The following ABRAXAS1 variants were observed in gnomAD, a reference collection of about 807,000 sequenced individuals.
The protein encoded by ABRAXAS1 is abraxas 1, BRCA1 A complex subunit.
Under a neutral mutation model 38.4 loss-of-function variants are expected in ABRAXAS1, and 26 were observed. The observed-to-expected ratio is 0.68, with a 90% CI of 0.50 to 0.94. ABRAXAS1 has a LOEUF of 0.94. ABRAXAS1 is among the 40% of genes least tolerant of loss of function. The pLI is 0.00. For synonymous variants in ABRAXAS1, 144 were observed against 165.5 expected (o/e 0.87, Z 1.00); for missense variants, 438 against 481.9 (o/e 0.91, Z 0.85).
At position 83,485,074 on chromosome 4, in the gene ABRAXAS1, C is replaced by G. The variant is rs1490677219; in HGVS notation, c.-2G>C. On this transcript the variant is annotated 5_prime_UTR_variant, in exon 1 of 9. Coordinates refer to ENST00000321945, the MANE Select transcript of ABRAXAS1 (RefSeq NM_139076.3). ...CGCCGACGTACTCTCCCCCTCCATG[C>G]TACCGCCGCCTCAGGCTACACAAGA... 1.3e-6 allele frequency: 2 copies of G among 1,586,218 alleles called. No individual in the cohort carries two copies. The highest frequency in any genetic ancestry group is 2.4e-5 in the East Asian group (1 of 42,012).
At chr4:83,481,028 A>G (rs1388722459) in intron 2 of ABRAXAS1, among the ~76,000 whole-genome samples, 1 of 152,062 alleles carries the variant, frequency 6.6e-6, no homozygotes, top group African/African-American at 2.4e-5. Context: ...GCTACTTGGG[A>G]GGCTGAAGCA....
At chr4:83,463,256 CCTGT>C (rs1424900347) in intron 8 of ABRAXAS1, among the ~76,000 whole-genome samples, 2 of 151,928 alleles carry the variant, frequency 1.3e-5, no homozygotes, top group South Asian at 4.2e-4. Flanking sequence ...ATGGTGAAAC[CCTGT>C]CTCTATTAAA....
chr4:83,477,653 T>A lies in ABRAXAS1; in HGVS notation c.179-974A>T. The A allele has an allele frequency of 4.7e-5, 25 of 532,566 alleles. 1 individual carries two copies. The highest frequency in any genetic ancestry group is 3.9e-4 in the South Asian group (25 of 64,366). 33.0% of individuals were successfully genotyped at this position (532,566 alleles called of 1,614,324 possible). ...GACCTTGCCAAAACACGACTTCAGG[T>A]AGGTTCAAGGCCAAAGCATTGATGT... is the stretch of plus-strand genomic sequence containing the variant. On this transcript the variant is annotated intron_variant, in intron 2 of 8. Transcript: ENST00000321945.
At chr4:83,484,784 G>A (rs1723121587) in intron 1 of ABRAXAS1, 1 of 448,550 alleles carries the variant, frequency 2.2e-6, no homozygotes, top group Admixed American at 4.3e-5. Flanking sequence ...ATAGCAGAGG[G>A]AGGGCTAATG....
rs869128932 is a variant in ABRAXAS1, at chr4:83,471,191, C to CTTTTTTT, written c.283-802_283-796dup. On this transcript the variant is annotated intron_variant, in intron 4 of 8. Transcript: ENST00000321945. ...CAAACATATTTGTTGAAAGAAACAT[C>CTTTTTTT]TTTTTTTTTTTTTTTTTTTTTTTTT... Among the ~76,000 whole-genome samples, 20 of 58,164 alleles carry CTTTTTTT rather than the reference C, an allele frequency of 3.4e-4. 1 individual carries two copies. The highest frequency in any genetic ancestry group is 6.1e-4 in the Non-Finnish European group (16 of 26,166). 38.2% of individuals were successfully genotyped at this position (58,164 alleles called of 152,430 possible).
intron 2 of ABRAXAS1, chr4:83,477,626 T>C (rs868839691): frequency 4.9e-5 from 25 of 507,448 alleles, no homozygotes; most frequent in African/African-American, 3.5e-4. Context: ...ACTTTCCCCA[T>C]GGACCTTGCC....
chr4:83,467,365 AGAT>A (rs1722405574), intron 7 of ABRAXAS1, 86 bp downstream of exon 7: 1 of 775,862 alleles, frequency 1.3e-6, no homozygotes, highest in Non-Finnish European at 2.2e-6. Context: ...AATCTAATCA[AGAT>A]GTCAGGTTAT....
rs1389976200 is a variant in ABRAXAS1, at chr4:83,461,182, C to T, written c.*1287G>A. The T allele has an allele frequency of 1.2e-6, 2 of 1,611,972 alleles. No homozygotes were observed. The highest frequency in any genetic ancestry group is 1.7e-5 in the Admixed American group (1 of 60,016). On this transcript the variant is annotated 3_prime_UTR_variant, in exon 9 of 9. Transcript: ENST00000321945. ...TCAAGGACCCTAAAGTTTGTAACAT[C>T]AGATATCGGGAATAAATTCTATCAC... is the stretch of plus-strand genomic sequence containing the variant.
rs754855587 is a variant in ABRAXAS1, at chr4:83,462,436, A to G, written c.*33T>C. 2.6e-6 allele frequency: 4 copies of G among 1,556,236 alleles called. No homozygotes were observed. The highest frequency in any genetic ancestry group is 2.2e-5 in the East Asian group (1 of 44,474). On this transcript the variant is annotated 3_prime_UTR_variant, in exon 9 of 9. Coordinates refer to ENST00000321945, the MANE Select transcript of ABRAXAS1 (RefSeq NM_139076.3). Reference sequence around the variant, plus strand: ...AAATGTTTGGCTTTACCCATCAGCCAAATAAAAAAATCTCCTTGTAAGGTT... The same window carrying G: ...AAATGTTTGGCTTTACCCATCAGCCGAATAAAAAAATCTCCTTGTAAGGTT...
Position 83,460,081 on chromosome 4 carries a change from G to A in ABRAXAS1, c.*2388C>T, listed in dbSNP as rs1179217054. The A allele has an allele frequency of 1.8e-5, 4 of 227,014 alleles. No homozygotes were observed. The highest frequency in any genetic ancestry group is 2.5e-5 in the Non-Finnish European group (3 of 118,304). The allele number at this position is 227,014 out of a possible 1,614,324, so 14.1% of individuals were successfully genotyped here. A position where few individuals can be genotyped will look rare whatever the true frequency, so the allele number is the denominator to read the frequency against. ...CATTCCTAGATTGATACTTAAACTTGGTGTCAGCAAACTATGGCCCATAGG... is the reference window on the plus strand; with the variant it reads ...CATTCCTAGATTGATACTTAAACTTAGTGTCAGCAAACTATGGCCCATAGG... On this transcript the variant is annotated 3_prime_UTR_variant, in exon 9 of 9. Transcript: ENST00000321945.
rs750097709 is a variant in ABRAXAS1, at chr4:83,472,233, T to C, written c.271A>G (p.Asn91Asp). ...NEQALKKILS[N>D]VKKNVVGWYK... is the part of the protein sequence containing the mutation. The stretch of plus-strand genomic sequence containing the variant: ...AAATTAGAGAATACCTTTTTGACAT[T>C]TGATAATATTTTCTTCAGTGCTTGC... The change falls in exon 4 of 9, where the codon AAT becomes GAT. Residue 91 changes from asparagine (N) to aspartate (D), a missense_variant. Asn to Asp is a conservative substitution (Grantham distance 23, BLOSUM62 1). Transcript: ENST00000321945. 4.6e-6 allele frequency: 7 copies of C among 1,521,924 alleles called. No individual in the cohort carries two copies. The highest frequency in any genetic ancestry group is 6.2e-6 in the Non-Finnish European group (7 of 1,134,588). 94.3% of individuals were successfully genotyped at this position (1,521,924 alleles called of 1,614,324 possible).
intron 2 of ABRAXAS1, chr4:83,477,417 C>A: frequency 5.7e-6 from 1 of 176,758 alleles, no homozygotes; most frequent in Non-Finnish European, 1.2e-5. Context: ...AAAAAAACTA[C>A]AGTAAAATTA....
chr4:83,476,525 T>C (rs1217838780), intron 3 of ABRAXAS1, 118 bp downstream of exon 3: 6 of 625,408 alleles, frequency 9.6e-6, no homozygotes, highest in African/African-American at 1.8e-5. Flanking sequence ...CTTTCCATTC[T>C]ACTCAGTACC....
intron 4 of ABRAXAS1, among the ~76,000 whole-genome samples, chr4:83,471,220 TTTTG>T (rs1722579737): frequency 9.6e-6 from 1 of 104,378 alleles, no homozygotes; most frequent in African/African-American, 5.2e-5. Flanking sequence ...TTTTTTTTTT[TTTTG>T]AGACAGTCTG....
chr4:83,469,284 T>C (rs942381915), intron 5 of ABRAXAS1, 133 bp from the exon 6 acceptor site: 5 of 695,964 alleles, frequency 7.2e-6, no homozygotes, highest in Non-Finnish European at 1.2e-5. Flanking sequence ...TTACTACTTA[T>C]CCAAAATAGA....
chr4:83,472,751 G>T (rs1722629639), intron 3 of ABRAXAS1, among the ~76,000 whole-genome samples: 1 of 152,178 alleles, frequency 6.6e-6, no homozygotes, highest in Admixed American at 6.5e-5. Flanking sequence ...GGAGGTGGCT[G>T]GGTTTTTTGG....
In ABRAXAS1 at chr4:83,460,895, G is replaced by A; in HGVS notation, c.*1574C>T. 1.9e-5 allele frequency: 23 copies of A among 1,223,284 alleles called. No individual in the cohort carries two copies. Among genetic ancestry groups the A allele is most frequent in the Non-Finnish European group, 2.7e-5 (23 of 856,342 alleles). The allele number at this position is 1,223,284 out of a possible 1,614,324, so 75.8% of individuals were successfully genotyped here. ...TACTCCAGCCTGGGTGACACAGGGA[G>A]ACTCCATCTCAAAAAAAAAAATTGC... On this transcript the variant is annotated 3_prime_UTR_variant, in exon 9 of 9. Coordinates refer to ENST00000321945, the MANE Select transcript of ABRAXAS1 (RefSeq NM_139076.3).
chr4:83,484,942 C>T (rs532346963), intron 1 of ABRAXAS1, 44 bp downstream of exon 1: 9 of 1,501,318 alleles, frequency 6.0e-6, no homozygotes, highest in Non-Finnish European at 8.1e-6. Context: ...GCGCGCAGGG[C>T]TCTTCCCAGG....
rs753222528 is a variant in ABRAXAS1 at position 83,472,309 on chromosome 4, G to A, written c.216-21C>T. 1.1e-5 allele frequency: 16 copies of A among 1,426,966 alleles called. No individual in the cohort carries two copies. The Admixed American group carries it at 3.9e-4, about 35-fold the overall frequency. The allele number at this position is 1,426,966 out of a possible 1,614,324, so 88.4% of individuals were successfully genotyped here. Reference sequence around the variant, plus strand: ...AAAAGCTGTAAAAGCCAAAATTAAAGGTATTTCAAATACGCTAAAAATATA... The same window carrying A: ...AAAAGCTGTAAAAGCCAAAATTAAAAGTATTTCAAATACGCTAAAAATATA... On this transcript the variant is annotated intron_variant, in intron 3 of 8. Coordinates refer to ENST00000321945, the MANE Select transcript of ABRAXAS1 (RefSeq NM_139076.3).
Sources: gnomAD v4.1 joint callset for allele counts (sites outside exome capture counted in the v4.1 genomes callset) on GRCh38, gnomAD v4.1.1 for gene constraint, MANE v1.5 for transcripts, NCBI Gene and HGNC (gene_info 2026-07-23, HGNC 2026-07-21) for gene names.